The following RAB21 variants were observed in gnomAD, a reference collection of about 807,000 sequenced individuals.
RAB21 encodes RAB21, member RAS oncogene family.
RAB21 carries 13 observed loss-of-function variants against 33.1 expected under a neutral mutation model. That is an observed-to-expected ratio of 0.39 (90% CI 0.26 to 0.62). The LOEUF is 0.62. Among genes scored for constraint, RAB21 ranks in the 20% least tolerant of loss-of-function variants. RAB21 has a pLI of 0.48. For missense variants in RAB21, 234 were observed against 279.1 expected (o/e 0.84, Z 1.15); for synonymous variants, 91 against 103.7 (o/e 0.88, Z 0.74).
Position 71,794,858 on chromosome 12 carries a change from AC to A in RAB21, c.*9188del, listed in dbSNP as rs1883446247. On this transcript the variant is annotated 3_prime_UTR_variant, in exon 7 of 7. Coordinates refer to ENST00000261263, the MANE Select transcript of RAB21 (RefSeq NM_014999.4). ...AGGCTGAGGCAGGAGAATTGCTTGAACCCAGGAGACGGAGGTTGCAGTGAGC... is the reference window on the plus strand; with the variant it reads ...AGGCTGAGGCAGGAGAATTGCTTGAACCAGGAGACGGAGGTTGCAGTGAGC... 6.7e-6 allele frequency: 1 copy of A among 150,020 alleles called. No homozygotes were observed. The highest frequency in any genetic ancestry group is 2.1e-4 in the South Asian group (1 of 4,744). 9.3% of individuals were successfully genotyped at this position (150,020 alleles called of 1,614,324 possible). A position where few individuals can be genotyped will look rare whatever the true frequency, so the allele number is the denominator to read the frequency against.
Position 71,789,779 on chromosome 12 carries a change from CAACTAT to C in RAB21, c.*4110_*4115del, listed in dbSNP as rs755952037. On this transcript the variant is annotated 3_prime_UTR_variant, in exon 7 of 7. Transcript: ENST00000261263. Reference sequence around the variant, plus strand: ...ATGTTGCTGTTCTGTTATCTGTAATCAACTATAACAGAGTAATATATTTGGTGTTCT... The same window carrying C: ...ATGTTGCTGTTCTGTTATCTGTAATCAACAGAGTAATATATTTGGTGTTCT... The C allele has an allele frequency of 1.1e-4, 17 of 152,198 alleles. No homozygotes were observed. The highest frequency in any genetic ancestry group is 6.8e-3 in the Middle Eastern group (2 of 294). The allele number at this position is 152,198 out of a possible 1,614,324, so 9.4% of individuals were successfully genotyped here. A position where few individuals can be genotyped will look rare whatever the true frequency, so the allele number is the denominator to read the frequency against.
In RAB21 at chr12:71,797,047, T is replaced by C. The variant is rs1341091063; in HGVS notation, c.*11374T>C. 6.6e-6 allele frequency: 1 copy of C among 152,166 alleles called. No individual in the cohort carries two copies. Among genetic ancestry groups the C allele is most frequent in the Non-Finnish European group, 1.5e-5 (1 of 67,996 alleles). 9.4% of individuals were successfully genotyped at this position (152,166 alleles called of 1,614,324 possible). On this transcript the variant is annotated 3_prime_UTR_variant, in exon 7 of 7. Transcript: ENST00000261263. ...TTTAATAGACACTTCGTGTTTCCAT[T>C]TTCATAATGGGGGTTAGTCATAAAC...
In RAB21 at chr12:71,797,547, A is replaced by G. The variant is rs1883478881; in HGVS notation, c.*11874A>G. On this transcript the variant is annotated 3_prime_UTR_variant, in exon 7 of 7. Coordinates refer to ENST00000261263, the MANE Select transcript of RAB21 (RefSeq NM_014999.4). The stretch of plus-strand genomic sequence containing the variant: ...CAACATACACATTTCAGTTCTCTAA[A>G]TTGAATGCAATCCCAATAAAAATAT... 1 of 151,042 alleles carries G rather than the reference A, an allele frequency of 6.6e-6. No individual in the cohort carries two copies. Among genetic ancestry groups the G allele is most frequent in the African/African-American group, 2.4e-5 (1 of 41,016 alleles). 9.4% of individuals were successfully genotyped at this position (151,042 alleles called of 1,614,324 possible).
rs1411991293 is a variant in RAB21 at position 71,788,435 on chromosome 12, A to C, written c.*2762A>C. On this transcript the variant is annotated 3_prime_UTR_variant, in exon 7 of 7. Coordinates refer to ENST00000261263, the MANE Select transcript of RAB21 (RefSeq NM_014999.4). ...TAGACAACATGATATGGCTGCTGTC[A>C]CTTTGAAACCCAAAAGGTCTTTGGG... 1 of 152,242 alleles carries C rather than the reference A, an allele frequency of 6.6e-6. No homozygotes were observed. The highest frequency in any genetic ancestry group is 1.9e-4 in the East Asian group (1 of 5,188). The allele number at this position is 152,242 out of a possible 1,614,324, so 9.4% of individuals were successfully genotyped here.
In RAB21 at chr12:71,787,309, T is replaced by G. The variant is rs556529953; in HGVS notation, c.*1636T>G. On this transcript the variant is annotated 3_prime_UTR_variant, in exon 7 of 7. Coordinates refer to ENST00000261263, the MANE Select transcript of RAB21 (RefSeq NM_014999.4). ...CTTAAATGTGTTAATTTTAGTAGAA[T>G]CAGGCACTGCTCGCAGAAGGAACAC... The G allele has an allele frequency of 6.6e-6, 1 of 152,288 alleles. No individual in the cohort carries two copies. Among genetic ancestry groups the G allele is most frequent in the South Asian group, 2.1e-4 (1 of 4,826 alleles). The allele number at this position is 152,288 out of a possible 1,614,324, so 9.4% of individuals were successfully genotyped here.
chr12:71,762,845 T>C (rs1196167214), intron 1 of RAB21, among the ~76,000 whole-genome samples: 1 of 152,062 alleles, frequency 6.6e-6, no homozygotes, highest in Non-Finnish European at 1.5e-5. Context: ...CCTCCCAAAG[T>C]GTTGGGATTA....
intron 1 of RAB21, among the ~76,000 whole-genome samples, chr12:71,762,276 A>G (rs943749772): frequency 3.3e-5 from 5 of 149,674 alleles, no homozygotes; most frequent in Non-Finnish European, 7.4e-5. Context: ...ATATTCAAGC[A>G]CCTAGCTTAG....
rs553761810 is a variant in RAB21 at position 71,771,107 on chromosome 12, T to A, written c.327+408T>A. ...GGTGTGGCTGGACGGGTTCCTTTATTGTGAAGAGGAAAAAGGAGGAACAAC... is the reference window on the plus strand; with the variant it reads ...GGTGTGGCTGGACGGGTTCCTTTATAGTGAAGAGGAAAAAGGAGGAACAAC... On this transcript the variant is annotated intron_variant, in intron 3 of 6. Coordinates refer to ENST00000261263, the MANE Select transcript of RAB21 (RefSeq NM_014999.4). Among the ~76,000 whole-genome samples, 3 of 152,290 alleles carry A rather than the reference T, an allele frequency of 2.0e-5. No homozygotes were observed. In the East Asian group the frequency reaches 5.8e-4, roughly 29 times the overall value.
In RAB21 at chr12:71,793,275, A is replaced by G. The variant is rs951299143; in HGVS notation, c.*7602A>G. The G allele has an allele frequency of 3.3e-5, 5 of 152,310 alleles. No homozygotes were observed. Among genetic ancestry groups the G allele is most frequent in the African/African-American group, 9.6e-5 (4 of 41,570 alleles). 9.4% of individuals were successfully genotyped at this position (152,310 alleles called of 1,614,324 possible). On this transcript the variant is annotated 3_prime_UTR_variant, in exon 7 of 7. Coordinates refer to ENST00000261263, the MANE Select transcript of RAB21 (RefSeq NM_014999.4). Reference sequence around the variant, plus strand: ...TCACCACACAGTAAGCCAGAACACAATCCATTCCTGAGTCATAGTAGGATA... The same window carrying G: ...TCACCACACAGTAAGCCAGAACACAGTCCATTCCTGAGTCATAGTAGGATA...
At chr12:71,784,837 A>T (rs1037835726) in intron 6 of RAB21, among the ~76,000 whole-genome samples, 1 of 152,130 alleles carries the variant, frequency 6.6e-6, no homozygotes, top group Admixed American at 6.5e-5. Flanking sequence ...CACACCTATA[A>T]GCCCAGTGCT....
chr12:71,774,115 A>G (rs972608609), intron 4 of RAB21, 93 bp downstream of exon 4: 17 of 798,566 alleles, frequency 2.1e-5, no homozygotes, highest in Non-Finnish European at 3.3e-5. Flanking sequence ...GTTATATGAG[A>G]AAGGAAGAAT....
At chr12:71,783,848 ACCTC>A (rs948068635) in intron 6 of RAB21, among the ~76,000 whole-genome samples, 4 of 150,978 alleles carry the variant, frequency 2.6e-5, no homozygotes, top group Non-Finnish European at 4.4e-5. Flanking sequence ...CTCCTTCCTT[ACCTC>A]CCTCCCTCCC....
At position 71,755,156 on chromosome 12, in the gene RAB21, C is replaced by CGGA; in HGVS notation, c.29_30insAGG (p.Gly10dup). On this transcript the variant is annotated inframe_insertion, in exon 1 of 7. Coordinates refer to ENST00000261263, the MANE Select transcript of RAB21 (RefSeq NM_014999.4). ...TGGCTGCGGCCGGCGGCGGCGGCGG[C>CGGA]GGGGCGGCGGCGGCGGGCCGAGCCT... The CGGA allele has an allele frequency of 7.7e-7, 1 of 1,290,630 alleles. No homozygotes were observed. Among genetic ancestry groups the CGGA allele is most frequent in the Non-Finnish European group, 9.8e-7 (1 of 1,018,762 alleles). 79.9% of individuals were successfully genotyped at this position (1,290,630 alleles called of 1,614,324 possible). A position where few individuals can be genotyped will look rare whatever the true frequency, so the allele number is the denominator to read the frequency against.
intron 1 of RAB21, among the ~76,000 whole-genome samples, chr12:71,760,356 G>A (rs761229953): frequency 6.6e-5 from 10 of 152,030 alleles, no homozygotes; most frequent in Non-Finnish European, 8.8e-5. Context: ...AATCCTGTAC[G>A]TAAGCTCTCT....
chr12:71,774,215 A>G lies in RAB21; in HGVS notation c.391+193A>G. On this transcript the variant is annotated intron_variant, in intron 4 of 6. Coordinates refer to ENST00000261263, the MANE Select transcript of RAB21 (RefSeq NM_014999.4). ...TAATTCCAGCGCCTTGGGAGGCCAA[A>G]GTGGGTGGATCACTTGAGGTCAGGA... 1 of 273,996 alleles carries G rather than the reference A, an allele frequency of 3.6e-6. No homozygotes were observed. The highest frequency in any genetic ancestry group is 6.6e-6 in the Non-Finnish European group (1 of 150,860). 17.0% of individuals were successfully genotyped at this position (273,996 alleles called of 1,614,324 possible).
chr12:71,757,156 C>T (rs1382963007), intron 1 of RAB21, among the ~76,000 whole-genome samples: 3 of 152,078 alleles, frequency 2.0e-5, no homozygotes, highest in Admixed American at 2.0e-4. Context: ...CCCTGTCGCC[C>T]AGGCTGAAGT....
intron 1 of RAB21, 138 bp downstream of exon 1, chr12:71,755,426 C>T: frequency 1.8e-6 from 2 of 1,082,514 alleles, no homozygotes; most frequent in East Asian, 3.4e-5. Context: ...TTTACCTTTC[C>T]GAATTCGCCC....
At position 71,795,222 on chromosome 12, in the gene RAB21, T is replaced by C. The variant is rs925184125; in HGVS notation, c.*9549T>C. On this transcript the variant is annotated 3_prime_UTR_variant, in exon 7 of 7. Transcript: ENST00000261263. ...GAGCAAGATTTGTGATTCAGAATAT[T>C]AAAAGTTAAGAATCCATGAATAGCC... 6.6e-6 allele frequency: 1 copy of C among 152,196 alleles called. No homozygotes were observed. Among genetic ancestry groups the C allele is most frequent in the Admixed American group, 6.5e-5 (1 of 15,276 alleles). The allele number at this position is 152,196 out of a possible 1,614,324, so 9.4% of individuals were successfully genotyped here. A position where few individuals can be genotyped will look rare whatever the true frequency, so the allele number is the denominator to read the frequency against.
At position 71,769,942 on chromosome 12, in the gene RAB21, A is replaced by G. The variant is rs1033932321; in HGVS notation, c.219+83A>G. ...TAAAGTTAATTGGAGCTTAGCCAACACTTTTTTTTTTTTTTAATTAAAAAG... is the reference window on the plus strand; with the variant it reads ...TAAAGTTAATTGGAGCTTAGCCAACGCTTTTTTTTTTTTTTAATTAAAAAG... On this transcript the variant is annotated intron_variant, in intron 2 of 6. Coordinates refer to ENST00000261263, the MANE Select transcript of RAB21 (RefSeq NM_014999.4). The G allele has an allele frequency of 6.6e-6, 4 of 610,374 alleles. No homozygotes were observed. The African/African-American group carries it at 8.4e-5, about 13-fold the overall frequency. The allele number at this position is 610,374 out of a possible 1,614,324, so 37.8% of individuals were successfully genotyped here.
Sources: gnomAD v4.1 joint callset for allele counts (sites outside exome capture counted in the v4.1 genomes callset) on GRCh38, gnomAD v4.1.1 for gene constraint, MANE v1.5 for transcripts, NCBI Gene and HGNC (gene_info 2026-07-23, HGNC 2026-07-21) for gene names.